The following C10orf62 variants were observed in gnomAD, a reference collection of about 807,000 sequenced individuals.
The protein encoded by C10orf62 is chromosome 10 open reading frame 62.
For missense variants in C10orf62, 279 were observed against 281.9 expected (o/e 0.99, Z 0.07); for synonymous variants, 94 against 109.7 (o/e 0.86, Z 0.89).
chr10:97,589,954 C>T lies in C10orf62; in HGVS notation c.57C>T (p.Asp19=), dbSNP rs1187683263. 4 of 1,613,894 alleles carry T rather than the reference C, an allele frequency of 2.5e-6. No individual in the cohort carries two copies. In the South Asian group the frequency reaches 4.4e-5, roughly 18 times the overall value. The stretch of plus-strand genomic sequence containing the variant: ...AGGAAACCTCTGAGTGTCCATCAGA[C>T]AAGGACAAGTCACCAGAATCCCATA... ...RRKETSECPS[D]KDKSPESHKA... is the part of the protein sequence containing the mutation. The change falls in exon 1 of 1, where the codon GAC becomes GAT. Residue 19 remains aspartate, a synonymous_variant. Transcript: ENST00000370640.
In C10orf62 at chr10:97,590,503, C is replaced by T. The variant is rs903010634; in HGVS notation, c.606C>T (p.His202=). 3 of 1,612,446 alleles carry T rather than the reference C, an allele frequency of 1.9e-6. No individual in the cohort carries two copies. Among genetic ancestry groups the T allele is most frequent in the Non-Finnish European group, 2.5e-6 (3 of 1,179,754 alleles). The stretch of plus-strand genomic sequence containing the variant: ...ATCACACACACACCTTCTATGGCCA[C>T]AGTCACCACAGTCACCATGGCCACC... ...GANHTHTFYG[H]SHHSHHGHPS... is the part of the protein sequence containing the mutation. The change falls in exon 1 of 1, where the codon CAC becomes CAT. Residue 202 remains histidine, a synonymous_variant. Transcript: ENST00000370640.
rs370079032 is a variant in C10orf62 at position 97,590,599 on chromosome 10, A to T, written c.*30A>T. ...GTGACTTCTTGGAAGCCACCTAACC[A>T]TGGATGGAGACGCCCCTGCCCCCAG... On this transcript the variant is annotated 3_prime_UTR_variant, in exon 1 of 1. Coordinates refer to ENST00000370640, the MANE Select transcript of C10orf62 (RefSeq NM_001009997.3). The T allele has an allele frequency of 1.4e-4, 223 of 1,595,212 alleles. No individual in the cohort carries two copies. Among genetic ancestry groups the T allele is most frequent in the Non-Finnish European group, 1.8e-4 (206 of 1,168,606 alleles).
rs1273597783 is a variant in C10orf62, at chr10:97,590,680, C to T, written c.*111C>T. 8 of 1,052,220 alleles carry T rather than the reference C, an allele frequency of 7.6e-6. No individual in the cohort carries two copies. Among genetic ancestry groups the T allele is most frequent in the East Asian group, 7.3e-5 (3 of 40,978 alleles). 65.2% of individuals were successfully genotyped at this position (1,052,220 alleles called of 1,614,324 possible). On this transcript the variant is annotated 3_prime_UTR_variant, in exon 1 of 1. Transcript: ENST00000370640. Reference sequence around the variant, plus strand: ...TCTCCTATGGGGCCATCTATGCAGGCCAGGGTGAGATGCTGTGCCCAAATC... The same window carrying T: ...TCTCCTATGGGGCCATCTATGCAGGTCAGGGTGAGATGCTGTGCCCAAATC...
At position 97,589,753 on chromosome 10, in the gene C10orf62, T is replaced by C; in HGVS notation, c.-145T>C. On this transcript the variant is annotated 5_prime_UTR_variant, in exon 1 of 1. The change abolishes an upstream ATG in the 5' untranslated region. Coordinates refer to ENST00000370640, the MANE Select transcript of C10orf62 (RefSeq NM_001009997.3). ...CTTGGGGAGCCTGCCCTTTCAAGCATGAATCATACCACCAGAGATCACCCA... is the reference window on the plus strand; with the variant it reads ...CTTGGGGAGCCTGCCCTTTCAAGCACGAATCATACCACCAGAGATCACCCA... The C allele has an allele frequency of 2.9e-6, 2 of 690,244 alleles. No individual in the cohort carries two copies. The allele number at this position is 690,244 out of a possible 1,614,324, so 42.8% of individuals were successfully genotyped here. A position where few individuals can be genotyped will look rare whatever the true frequency, so the allele number is the denominator to read the frequency against.
At position 97,590,499 on chromosome 10, in the gene C10orf62, G is replaced by C; in HGVS notation, c.602G>C (p.Gly201Ala). ...GCCAATCACACACACACCTTCTATG[G>C]CCACAGTCACCACAGTCACCATGGC... is the stretch of plus-strand genomic sequence containing the variant. ...AGANHTHTFY[G>A]HSHHSHHGHP... The change falls in exon 1 of 1, where the codon GGC (glycine) becomes GCC (alanine). Residue 201 changes from glycine to alanine, a missense_variant. Gly to Ala is a moderately conservative substitution (Grantham distance 60). Coordinates refer to ENST00000370640, the MANE Select transcript of C10orf62 (RefSeq NM_001009997.3). The C allele has an allele frequency of 6.2e-7, 1 of 1,612,828 alleles. No homozygotes were observed.
At position 97,590,438 on chromosome 10, in the gene C10orf62, A is replaced by G; in HGVS notation, c.541A>G (p.Asn181Asp). ...GGAGGTAGAGATGAAGCTGCAAAAG[A>G]ATTTCCTCACCCAGCGGGAAAACAC... ...LEEVEMKLQK[N>D]FLTQRENTIA... is the part of the protein sequence containing the mutation. The change falls in exon 1 of 1, where the codon AAT becomes GAT. Residue 181 changes from asparagine to aspartate, a missense_variant. By Grantham distance (23) the Asn-to-Asp change is conservative. Coordinates refer to ENST00000370640, the MANE Select transcript of C10orf62 (RefSeq NM_001009997.3). 3 of 1,614,010 alleles carry G rather than the reference A, an allele frequency of 1.9e-6. No individual in the cohort carries two copies. The highest frequency in any genetic ancestry group is 2.5e-6 in the Non-Finnish European group (3 of 1,180,026).
In C10orf62 at chr10:97,590,634, C is replaced by A; in HGVS notation, c.*65C>A. The A allele has an allele frequency of 1.3e-6, 2 of 1,501,642 alleles. No homozygotes were observed. The highest frequency in any genetic ancestry group is 1.8e-6 in the Non-Finnish European group (2 of 1,094,742). The allele number at this position is 1,501,642 out of a possible 1,614,324, so 93.0% of individuals were successfully genotyped here. On this transcript the variant is annotated 3_prime_UTR_variant, in exon 1 of 1. Coordinates refer to ENST00000370640, the MANE Select transcript of C10orf62 (RefSeq NM_001009997.3). ...ACGCCCCTGCCCCCAGCAAGGCTGG[C>A]TCACACACACGTCTGTTTTCTCTCC...
In C10orf62 at chr10:97,589,936, C is replaced by T; in HGVS notation, c.39C>T (p.Thr13=). The change falls in exon 1 of 1, where the codon ACC becomes ACT. Residue 13 remains threonine, a synonymous_variant. Coordinates refer to ENST00000370640, the MANE Select transcript of C10orf62 (RefSeq NM_001009997.3). ...AGAGAAAGAGGAGAAGAAAGGAAACCTCTGAGTGTCCATCAGACAAGGACA... is the reference window on the plus strand; with the variant it reads ...AGAGAAAGAGGAGAAGAAAGGAAACTTCTGAGTGTCCATCAGACAAGGACA... ...WVQRKRRRKE[T]SECPSDKDKS... is the part of the protein sequence containing the mutation. The T allele has an allele frequency of 6.2e-7, 1 of 1,614,000 alleles. No individual in the cohort carries two copies. Among genetic ancestry groups the T allele is most frequent in the Non-Finnish European group, 8.5e-7 (1 of 1,179,890 alleles).
rs568126358 is a variant in C10orf62, at chr10:97,589,846, A to G, written c.-52A>G. On this transcript the variant is annotated 5_prime_UTR_variant, in exon 1 of 1. Coordinates refer to ENST00000370640, the MANE Select transcript of C10orf62 (RefSeq NM_001009997.3). Reference sequence around the variant, plus strand: ...CCTTCTTGGAGCTCATCCAGCAGCCATCATGCAAGGTGGTGCTGGGGACTG... The same window carrying G: ...CCTTCTTGGAGCTCATCCAGCAGCCGTCATGCAAGGTGGTGCTGGGGACTG... 2.1e-6 allele frequency: 3 copies of G among 1,419,446 alleles called. No homozygotes were observed. Among genetic ancestry groups the G allele is most frequent in the African/African-American group, 2.8e-5 (2 of 70,698 alleles). 87.9% of individuals were successfully genotyped at this position (1,419,446 alleles called of 1,614,324 possible).
chr10:97,590,478 A>G lies in C10orf62; in HGVS notation c.581A>G (p.Asn194Ser). The G allele has an allele frequency of 1.2e-6, 2 of 1,613,488 alleles. No individual in the cohort carries two copies. The highest frequency in any genetic ancestry group is 1.7e-6 in the Non-Finnish European group (2 of 1,180,012). The change falls in exon 1 of 1, where the codon AAT (asparagine) becomes AGT (serine). Residue 194 changes from asparagine (N) to serine (S), a missense_variant. By Grantham distance (46) the Asn-to-Ser change is conservative (BLOSUM62 1). Coordinates refer to ENST00000370640, the MANE Select transcript of C10orf62 (RefSeq NM_001009997.3). ...TQRENTIAGA[N>S]HTHTFYGHSH... ...CGGGAAAACACCATAGCTGGTGCCA[A>G]TCACACACACACCTTCTATGGCCAC...
In C10orf62 at chr10:97,590,202, G is replaced by A; in HGVS notation, c.305G>A (p.Gly102Glu). Residue 102 changes from glycine to glutamate, a missense_variant, in exon 1 of 1, where the codon GGG becomes GAG. Coordinates refer to ENST00000370640, the MANE Select transcript of C10orf62 (RefSeq NM_001009997.3). Reference protein sequence around the residue: ...ESFTSRQKTSGPSVIQEIHQE... With the variant: ...ESFTSRQKTSEPSVIQEIHQE... ...TTCACCAGCAGGCAGAAGACATCTG[G>A]GCCCTCAGTGATCCAAGAGATCCAC... 1 of 1,613,844 alleles carries A rather than the reference G, an allele frequency of 6.2e-7. No individual in the cohort carries two copies. Among genetic ancestry groups the A allele is most frequent in the South Asian group, 1.1e-5 (1 of 91,070 alleles).
chr10:97,590,642 C>A lies in C10orf62; in HGVS notation c.*73C>A. On this transcript the variant is annotated 3_prime_UTR_variant, in exon 1 of 1. Coordinates refer to ENST00000370640, the MANE Select transcript of C10orf62 (RefSeq NM_001009997.3). ...GCCCCCAGCAAGGCTGGCTCACACA[C>A]ACGTCTGTTTTCTCTCCTATGGGGC... is the stretch of plus-strand genomic sequence containing the variant. 6.8e-7 allele frequency: 1 copy of A among 1,470,280 alleles called. No individual in the cohort carries two copies. The highest frequency in any genetic ancestry group is 9.4e-7 in the Non-Finnish European group (1 of 1,068,488). 91.1% of individuals were successfully genotyped at this position (1,470,280 alleles called of 1,614,324 possible).
chr10:97,590,766 G>A lies in C10orf62; in HGVS notation c.*197G>A, dbSNP rs2041015348. On this transcript the variant is annotated 3_prime_UTR_variant, in exon 1 of 1. Coordinates refer to ENST00000370640, the MANE Select transcript of C10orf62 (RefSeq NM_001009997.3). ...TCTTTAAACTCCATGAGTGGGGTCT[G>A]CCACAGAAGATGGCCCCTGTTGGAG... 3.2e-6 allele frequency: 2 copies of A among 624,216 alleles called. No homozygotes were observed. The highest frequency in any genetic ancestry group is 2.1e-5 in the South Asian group (1 of 48,704). The allele number at this position is 624,216 out of a possible 1,614,324, so 38.7% of individuals were successfully genotyped here.
rs1235836882 is a variant in C10orf62, at chr10:97,589,849, A to T, written c.-49A>T. On this transcript the variant is annotated 5_prime_UTR_variant, in exon 1 of 1. The change abolishes an upstream ATG in the 5' untranslated region. Transcript: ENST00000370640. The stretch of plus-strand genomic sequence containing the variant: ...TCTTGGAGCTCATCCAGCAGCCATC[A>T]TGCAAGGTGGTGCTGGGGACTGCCC... The T allele has an allele frequency of 6.9e-7, 1 of 1,445,550 alleles. No individual in the cohort carries two copies. The highest frequency in any genetic ancestry group is 1.8e-5 in the Admixed American group (1 of 55,980). The allele number at this position is 1,445,550 out of a possible 1,614,324, so 89.5% of individuals were successfully genotyped here.
rs776560628 is a variant in C10orf62 at position 97,590,647 on chromosome 10, CT to C, written c.*79del. ...CAGCAAGGCTGGCTCACACACACGT[CT>C]GTTTTCTCTCCTATGGGGCCATCTA... On this transcript the variant is annotated 3_prime_UTR_variant, in exon 1 of 1. Coordinates refer to ENST00000370640, the MANE Select transcript of C10orf62 (RefSeq NM_001009997.3). 5.4e-5 allele frequency: 76 copies of C among 1,418,372 alleles called. No individual in the cohort carries two copies. The highest frequency in any genetic ancestry group is 7.1e-5 in the Non-Finnish European group (73 of 1,024,370). 87.9% of individuals were successfully genotyped at this position (1,418,372 alleles called of 1,614,324 possible). A position where few individuals can be genotyped will look rare whatever the true frequency, so the allele number is the denominator to read the frequency against.
rs2041014698 is a variant in C10orf62 at position 97,590,673 on chromosome 10, A to G, written c.*104A>G. 9.7e-6 allele frequency: 11 copies of G among 1,132,966 alleles called. No homozygotes were observed. Among genetic ancestry groups the G allele is most frequent in the Non-Finnish European group, 1.4e-5 (11 of 778,978 alleles). The allele number at this position is 1,132,966 out of a possible 1,614,324, so 70.2% of individuals were successfully genotyped here. On this transcript the variant is annotated 3_prime_UTR_variant, in exon 1 of 1. Coordinates refer to ENST00000370640, the MANE Select transcript of C10orf62 (RefSeq NM_001009997.3). ...TGTTTTCTCTCCTATGGGGCCATCT[A>G]TGCAGGCCAGGGTGAGATGCTGTGC...
rs1363488114 is a variant in C10orf62 at position 97,590,188 on chromosome 10, G to A, written c.291G>A (p.Arg97=). ...TGCACCGGGAATCCTTCACCAGCAG[G>A]CAGAAGACATCTGGGCCCTCAGTGA... ...SALHRESFTS[R]QKTSGPSVIQ... is the part of the protein sequence containing the mutation. The change falls in exon 1 of 1, where the codon AGG becomes AGA. Residue 97 remains arginine, a synonymous_variant. Coordinates refer to ENST00000370640, the MANE Select transcript of C10orf62 (RefSeq NM_001009997.3). 1 of 1,614,028 alleles carries A rather than the reference G, an allele frequency of 6.2e-7. No individual in the cohort carries two copies. The highest frequency in any genetic ancestry group is 8.5e-7 in the Non-Finnish European group (1 of 1,180,034).
rs1423879286 is a variant in C10orf62, at chr10:97,590,753, A to T, written c.*184A>T. The T allele has an allele frequency of 1.6e-6, 1 of 632,646 alleles. No homozygotes were observed. The highest frequency in any genetic ancestry group is 3.0e-5 in the Admixed American group (1 of 33,886). The allele number at this position is 632,646 out of a possible 1,614,324, so 39.2% of individuals were successfully genotyped here. A position where few individuals can be genotyped will look rare whatever the true frequency, so the allele number is the denominator to read the frequency against. On this transcript the variant is annotated 3_prime_UTR_variant, in exon 1 of 1. Coordinates refer to ENST00000370640, the MANE Select transcript of C10orf62 (RefSeq NM_001009997.3). ...GGGGATTATGGGCTCTTTAAACTCCATGAGTGGGGTCTGCCACAGAAGATG... is the reference window on the plus strand; with the variant it reads ...GGGGATTATGGGCTCTTTAAACTCCTTGAGTGGGGTCTGCCACAGAAGATG...
At position 97,590,411 on chromosome 10, in the gene C10orf62, G is replaced by A. The variant is rs146752978; in HGVS notation, c.514G>A (p.Glu172Lys). Residue 172 changes from glutamate to lysine, a missense_variant, in exon 1 of 1, where the codon GAG (glutamate) becomes AAG (lysine). Physicochemically the swap from Glu to Lys is moderately conservative, Grantham distance 56. Transcript: ENST00000370640. ...CAACCAGGAGGAGCTGAGGGCCCTC[G>A]AGGAGGTAGAGATGAAGCTGCAAAA... ...DINQEELRAL[E>K]EVEMKLQKNF... 77 of 1,614,002 alleles carry A rather than the reference G, an allele frequency of 4.8e-5. No individual in the cohort carries two copies. Among genetic ancestry groups the A allele is most frequent in the Admixed American group, 1.0e-4 (6 of 60,014 alleles).
Sources: gnomAD v4.1 joint callset for allele counts on GRCh38, gnomAD v4.1.1 for gene constraint, MANE v1.5 for transcripts, NCBI Gene and HGNC (gene_info 2026-07-23, HGNC 2026-07-21) for gene names.